CA8: variants seen among roughly 807,000 people sequenced by gnomAD.
The protein encoded by CA8 is carbonic anhydrase-related protein.
CA8 carries 22 observed loss-of-function variants against 41.4 expected under a neutral mutation model. That is an observed-to-expected ratio of 0.53 (90% CI 0.38 to 0.76). CA8 has a LOEUF of 0.76. CA8 is among the 30% of genes least tolerant of loss of function. The pLI, the probability that CA8 is intolerant of heterozygous loss-of-function variation, is 0.00. For missense variants in CA8, 270 were observed against 352.8 expected (o/e 0.77, Z 1.88); for synonymous variants, 121 against 130.6 (o/e 0.93, Z 0.50).
chr8:60,224,642 T>C (rs1807363930), intron 5 of CA8, 57 bp from the exon 6 acceptor site: 1 of 1,103,420 alleles, frequency 9.1e-7, no homozygotes, highest in African/African-American at 1.6e-5. Flanking sequence ...GATTTTAGAA[T>C]AAAAAATCTA....
chr8:60,222,035 T>A, intron 7 of CA8, among the ~76,000 whole-genome samples: 1 of 152,312 alleles, frequency 6.6e-6, no homozygotes, highest in Middle Eastern at 3.4e-3. Flanking sequence ...TCTGTAATAT[T>A]AAAATCATGG....
Position 60,192,176 on chromosome 8 carries a change from T to C in CA8, c.*36-2191A>G, listed in dbSNP as rs1028885808. Reference sequence around the variant, plus strand: ...CCTCAAAAATGTACACTTGATCTTGTTTACTGCAAATACCAGATTAACTGA... The same window carrying C: ...CCTCAAAAATGTACACTTGATCTTGCTTACTGCAAATACCAGATTAACTGA... On this transcript the variant is annotated intron_variant, in intron 8 of 8. Coordinates refer to ENST00000317995, the MANE Select transcript of CA8 (RefSeq NM_004056.6). Among the ~76,000 whole-genome samples, 7 of 151,922 alleles carry C rather than the reference T, an allele frequency of 4.6e-5. No individual in the cohort carries two copies. The South Asian group carries it at 8.3e-4, about 18-fold the overall frequency.
At chr8:60,274,054 ATAAC>A (rs1286472291) in intron 2 of CA8, among the ~76,000 whole-genome samples, 2 of 152,374 alleles carry the variant, frequency 1.3e-5, no homozygotes, top group Non-Finnish European at 2.9e-5. Context: ...ATAAAACAAA[ATAAC>A]TGAGGCCAAA....
intron 1 of CA8, 99 bp downstream of exon 1, chr8:60,280,949 T>TG: frequency 1.2e-6 from 1 of 840,790 alleles, no homozygotes; most frequent in East Asian, 2.6e-5. Flanking sequence ...GGCGTGGGGG[T>TG]GCTCGGAGCG....
At chr8:60,252,276 T>C (rs377352174) in intron 3 of CA8, among the ~76,000 whole-genome samples, 20 of 152,230 alleles carry the variant, frequency 1.3e-4, no homozygotes, top group African/African-American at 3.4e-4. Context: ...AGTGTAGATA[T>C]CAAGAAAAAG....
chr8:60,193,629 A>G (rs888280341), intron 8 of CA8, among the ~76,000 whole-genome samples: 6 of 152,198 alleles, frequency 3.9e-5, no homozygotes, highest in African/African-American at 9.6e-5. Context: ...TCACTGCCTT[A>G]GCTTCCAGCG....
intron 7 of CA8, among the ~76,000 whole-genome samples, chr8:60,211,137 C>A (rs1806820457): frequency 1.3e-5 from 2 of 152,122 alleles, no homozygotes; most frequent in South Asian, 4.1e-4. Context: ...ATGTGTATAA[C>A]AGACATAATA....
At chr8:60,269,528 TAAAC>T (rs1804002273) in intron 2 of CA8, among the ~76,000 whole-genome samples, 1 of 152,208 alleles carries the variant, frequency 6.6e-6, no homozygotes, top group Non-Finnish European at 1.5e-5. Flanking sequence ...TTATAAGACA[TAAAC>T]AAGAGCTCCC....
intron 7 of CA8, among the ~76,000 whole-genome samples, chr8:60,213,594 T>C (rs1310368299): frequency 6.6e-6 from 1 of 152,182 alleles, no homozygotes; most frequent in Non-Finnish European, 1.5e-5. Context: ...ATCTGAGATG[T>C]GCTGGAAGTG....
intron 1 of CA8, among the ~76,000 whole-genome samples, 157 bp downstream of exon 1, chr8:60,280,891 C>A (rs1303354143): frequency 6.6e-6 from 1 of 152,180 alleles, no homozygotes; most frequent in Non-Finnish European, 1.5e-5. Context: ...CCGCCCGAAA[C>A]GCACCAGGGG....
At chr8:60,264,197 G>A (rs765879917) in intron 3 of CA8, among the ~76,000 whole-genome samples, 2 of 152,188 alleles carry the variant, frequency 1.3e-5, no homozygotes, top group South Asian at 2.1e-4. Flanking sequence ...AGCACAGCTC[G>A]CTAATTACGT....
At chr8:60,265,797 T>C (rs903920229) in intron 3 of CA8, 128 bp downstream of exon 3, 1 of 1,076,450 alleles carries the variant, frequency 9.3e-7, no homozygotes, top group Non-Finnish European at 1.4e-6. Flanking sequence ...AAGCATTTTT[T>C]AAATTTTAGT....
At chr8:60,210,427 A>T (rs185765976) in intron 7 of CA8, among the ~76,000 whole-genome samples, 1 of 152,202 alleles carries the variant, frequency 6.6e-6, no homozygotes, top group East Asian at 1.9e-4. Flanking sequence ...TAGAGACTTT[A>T]GGGGGCCCAC....
intron 3 of CA8, among the ~76,000 whole-genome samples, chr8:60,252,600 C>A (rs187250812): frequency 6.6e-6 from 1 of 152,098 alleles, no homozygotes; most frequent in African/African-American, 2.4e-5. Flanking sequence ...ATCTCCTCAC[C>A]CTACCTAGAG....
chr8:60,265,321 G>A (rs1436318046), intron 3 of CA8: 2 of 155,838 alleles, frequency 1.3e-5, no homozygotes, highest in Non-Finnish European at 2.8e-5. Flanking sequence ...GGAGCAGAGA[G>A]AGAGAGATGA....
chr8:60,253,792 T>C (rs1266345962), intron 3 of CA8, among the ~76,000 whole-genome samples: 4 of 152,194 alleles, frequency 2.6e-5, no homozygotes, highest in East Asian at 1.9e-4. Context: ...AGCGAACTCC[T>C]ACTCAGTCAT....
chr8:60,277,360 T>C (rs1804274010), intron 2 of CA8, among the ~76,000 whole-genome samples: 1 of 137,744 alleles, frequency 7.3e-6, no homozygotes, highest in East Asian at 2.0e-4. Flanking sequence ...ATTATTCACC[T>C]TTTTTTTTTT....
chr8:60,277,480 A>T (rs1403924905), intron 2 of CA8, among the ~76,000 whole-genome samples: 2 of 152,050 alleles, frequency 1.3e-5, no homozygotes, highest in African/African-American at 4.8e-5. Flanking sequence ...CAACGCCCCA[A>T]GTAGCTGGGA....
At position 60,226,837 on chromosome 8, in the gene CA8, A is replaced by G. The variant is rs772766017; in HGVS notation, c.576+36T>C. 7 of 1,275,298 alleles carry G rather than the reference A, an allele frequency of 5.5e-6. No individual in the cohort carries two copies. In the East Asian group the frequency reaches 1.6e-4, roughly 30 times the overall value. 79.0% of individuals were successfully genotyped at this position (1,275,298 alleles called of 1,614,324 possible). On this transcript the variant is annotated intron_variant, in intron 5 of 8. Transcript: ENST00000317995. Reference sequence around the variant, plus strand: ...GGTGGTCACAGGGAGCTCCTACACAACCAGTATTTCTATATTATTTTAAAT... The same window carrying G: ...GGTGGTCACAGGGAGCTCCTACACAGCCAGTATTTCTATATTATTTTAAAT...
Sources: allele counts gnomAD v4.1 joint callset (sites outside exome capture counted in the v4.1 genomes callset), GRCh38; gene constraint gnomAD v4.1.1; transcripts MANE v1.5; gene names NCBI Gene and HGNC (gene_info 2026-07-23, HGNC 2026-07-21).